Variants in AMZ1 observed in about 807,000 individuals in gnomAD.
The protein encoded by AMZ1 is archaelysin family metallopeptidase 1.
Under a neutral mutation model 29.9 loss-of-function variants are expected in AMZ1, and 39 were observed. The ratio of observed to expected loss-of-function variants is 1.30; its 90% confidence interval spans 1.01 to 1.70. The LOEUF is 1.70. Ranked by LOEUF, AMZ1 falls within the 40% of genes most tolerant of loss-of-function variation. AMZ1 has a pLI of 0.00. For missense variants in AMZ1, 1,041 were observed against 680.6 expected, an observed-to-expected ratio of 1.53 and a Z score of -5.89; for synonymous variants, 458 against 304.0, an observed-to-expected ratio of 1.51 and a Z score of -5.27.
upstream of AMZ1, among the ~76,000 whole-genome samples, chr7:2,684,932 C>G (rs377508890): frequency 6.7e-6 from 1 of 148,992 alleles, no homozygotes; most frequent in Non-Finnish European, 1.5e-5. Context: ...TGCAGTGGCG[C>G]GATCTCAGCT....
intron 4 of AMZ1, among the ~76,000 whole-genome samples, chr7:2,756,763 C>G (rs1336025765): frequency 6.6e-6 from 1 of 152,122 alleles, no homozygotes; most frequent in Non-Finnish European, 1.5e-5. Context: ...TATGATGGAA[C>G]ATCACTTTTG....
chr7:2,699,461 C>T (rs773358941), intron 1 of AMZ1, among the ~76,000 whole-genome samples: 4 of 152,216 alleles, frequency 2.6e-5, no homozygotes, highest in African/African-American at 4.8e-5. Flanking sequence ...GCCCTGACTG[C>T]TTCATCTGGA....
upstream of AMZ1, chr7:2,762,831 A>G (rs1791629092): frequency 2.0e-6 from 3 of 1,506,838 alleles, no homozygotes; most frequent in Non-Finnish European, 1.8e-6. Flanking sequence ...CCACACACCC[A>G]GTCAGCGCGG....
intron 4 of AMZ1, among the ~76,000 whole-genome samples, chr7:2,759,242 A>G (rs1165796363): frequency 1.3e-5 from 2 of 152,180 alleles, no homozygotes; most frequent in African/African-American, 4.8e-5. Flanking sequence ...CTGAAGAAAT[A>G]AGTCATAAAA....
chr7:2,723,855 T>C (rs1789516541), downstream of AMZ1, among the ~76,000 whole-genome samples: 1 of 152,232 alleles, frequency 6.6e-6, no homozygotes, highest in African/African-American at 2.4e-5. Flanking sequence ...GGCCACGCTC[T>C]TGACCACCCC....
upstream of AMZ1, among the ~76,000 whole-genome samples, chr7:2,683,904 G>A (rs1371556225): frequency 6.6e-6 from 1 of 151,836 alleles, no homozygotes; most frequent in African/African-American, 2.4e-5. Context: ...TTGGCTGGGT[G>A]TAGTGGCTCA....
At chr7:2,712,307 C>T (rs1562375621) in intron 6 of AMZ1, 23 bp from the exon 7 acceptor site, 2 of 1,534,960 alleles carry the variant, frequency 1.3e-6, no homozygotes, top group African/African-American at 1.4e-5. Flanking sequence ...GGAGCAAACT[C>T]AGCCTGTGTT....
upstream of AMZ1, among the ~76,000 whole-genome samples, chr7:2,685,192 G>C (rs563611994): frequency 6.6e-6 from 1 of 151,946 alleles, no homozygotes; most frequent in African/African-American, 2.4e-5. Context: ...CCTTTCCGGT[G>C]GCTATTCAGG....
chr7:2,699,841 G>C (rs1787949649), intron 1 of AMZ1, among the ~76,000 whole-genome samples: 1 of 152,150 alleles, frequency 6.6e-6, no homozygotes, highest in South Asian at 2.1e-4. Context: ...AAGGCCTCTA[G>C]ACAGAGTTGG....
At chr7:2,687,924 C>T (rs1787147479), upstream of AMZ1, among the ~76,000 whole-genome samples, 1 of 152,156 alleles carries the variant, frequency 6.6e-6, no homozygotes, top group Non-Finnish European at 1.5e-5. Flanking sequence ...TGCAGAGTAG[C>T]CGGGTTTACT....
intron 6 of AMZ1, 74 bp from the exon 7 acceptor site, chr7:2,712,256 G>A (rs1562375569): frequency 6.9e-7 from 1 of 1,446,224 alleles, no homozygotes; most frequent in Non-Finnish European, 9.2e-7. Context: ...CTTAGGTAAG[G>A]AGGTCTCCTG....
At chr7:2,730,943 T>G (rs897492859) in intron 4 of AMZ1, 3 of 512,860 alleles carry the variant, frequency 5.8e-6, no homozygotes, top group Non-Finnish European at 1.1e-5. Context: ...CACAACATCA[T>G]CACTCGGATT....
At chr7:2,746,302 A>T (rs1179181072) in intron 4 of AMZ1, among the ~76,000 whole-genome samples, 2 of 152,268 alleles carry the variant, frequency 1.3e-5, no homozygotes, top group Non-Finnish European at 2.9e-5. Flanking sequence ...ATGTAAAAGA[A>T]CAGAAATTAT....
intron 3 of AMZ1, among the ~76,000 whole-genome samples, chr7:2,707,294 A>C (rs1788414215): frequency 1.3e-5 from 2 of 148,996 alleles, no homozygotes; most frequent in Admixed American, 6.7e-5. Flanking sequence ...AAAAACAAAA[A>C]AACACACACA....
intron 1 of AMZ1, among the ~76,000 whole-genome samples, chr7:2,689,316 C>T (rs946411691): frequency 6.6e-6 from 1 of 151,962 alleles, no homozygotes; most frequent in South Asian, 2.1e-4. Context: ...CCTTGGATAC[C>T]TGGTTACTGG....
chr7:2,700,762 GACGCCTGCAGCCATCGGC>G lies in AMZ1; in HGVS notation c.304+12_304+29del. 1.9e-6 allele frequency: 3 copies of G among 1,609,006 alleles called. No homozygotes were observed. The highest frequency in any genetic ancestry group is 2.5e-6 in the Non-Finnish European group (3 of 1,177,560). ...ATCTACCTACAGCCGATAGGTACGG[GACGCCTGCAGCCATCGGC>G]ACGCTCCTGGGGGACCAGCTTATAT... On this transcript the variant is annotated splice_region_variant and intron_variant, in intron 2 of 6. Coordinates refer to ENST00000683327, the MANE Select transcript of AMZ1 (RefSeq NM_001384743.1).
rs1017507889 is a variant in AMZ1, at chr7:2,701,526, G to A, written c.304+771G>A. 3.9e-5 allele frequency among the ~76,000 whole-genome samples: 6 copies of A among 152,308 alleles called. 1 individual carries two copies. In the South Asian group the frequency reaches 1.0e-3, roughly 26 times the overall value. Reference sequence around the variant, plus strand: ...GGGGACCCAGGGTGAATGGGGGGCCGAGACAACAGGCATCCGTGCTCAGAA... The same window carrying A: ...GGGGACCCAGGGTGAATGGGGGGCCAAGACAACAGGCATCCGTGCTCAGAA... On this transcript the variant is annotated intron_variant, in intron 2 of 6. Coordinates refer to ENST00000683327, the MANE Select transcript of AMZ1 (RefSeq NM_001384743.1).
At chr7:2,751,449 T>A (rs572887936) in intron 4 of AMZ1, among the ~76,000 whole-genome samples, 1 of 148,554 alleles carries the variant, frequency 6.7e-6, no homozygotes, top group East Asian at 1.9e-4. Context: ...CAAAAATCAC[T>A]GACCAAAGGT....
At chr7:2,692,827 G>A (rs1316942979) in intron 1 of AMZ1, among the ~76,000 whole-genome samples, 3 of 152,120 alleles carry the variant, frequency 2.0e-5, no homozygotes, top group East Asian at 1.9e-4. Flanking sequence ...GCTCCTGCGC[G>A]ATGTGTCCCC....
Sources: gnomAD v4.1 joint callset for allele counts (sites outside exome capture counted in the v4.1 genomes callset) on GRCh38, gnomAD v4.1.1 for gene constraint, MANE v1.5 for transcripts, NCBI Gene and HGNC (gene_info 2026-07-23, HGNC 2026-07-21) for gene names.